The following AFAP1 variants were observed in gnomAD, a reference collection of about 807,000 sequenced individuals.
AFAP1 encodes actin filament associated protein 1.
In AFAP1, 75 loss-of-function variants were observed where a neutral mutation model predicts 93.9. That is an observed-to-expected ratio of 0.80 (90% CI 0.66 to 0.97). AFAP1 has a LOEUF of 0.97. Ranked by LOEUF, AFAP1 falls within the 50% of genes least tolerant of loss-of-function variation. AFAP1 has a pLI of 0.00. For missense variants in AFAP1, 1,201 were observed against 1,050.8 expected, an observed-to-expected ratio of 1.14 and a Z score of -1.98; for synonymous variants, 517 against 430.7, an observed-to-expected ratio of 1.20 and a Z score of -2.48.
chr4:7,902,965 G>C (rs374559121), intron 1 of AFAP1, among the ~76,000 whole-genome samples: 2 of 152,180 alleles, frequency 1.3e-5, no homozygotes, highest in African/African-American at 4.8e-5. Context: ...TTCCTGAAGA[G>C]GTTATCTTGT....
rs1234673369 is a variant in AFAP1, at chr4:7,763,521, T to C, written c.*244A>G. The C allele has an allele frequency of 1.3e-5, 7 of 548,444 alleles. No homozygotes were observed. Among genetic ancestry groups the C allele is most frequent in the African/African-American group, 1.1e-4 (6 of 52,686 alleles). 34.0% of individuals were successfully genotyped at this position (548,444 alleles called of 1,614,324 possible). Reference sequence around the variant, plus strand: ...TAGCATCCTTTCAAACACCTTTCCATCACTTTTTTTGTTTTTTAACAAAGT... The same window carrying C: ...TAGCATCCTTTCAAACACCTTTCCACCACTTTTTTTGTTTTTTAACAAAGT... On this transcript the variant is annotated 3_prime_UTR_variant, in exon 18 of 18. Coordinates refer to ENST00000420658, the MANE Select transcript of AFAP1 (RefSeq NM_001134647.2).
At chr4:7,801,533 T>C (rs894897434) in intron 9 of AFAP1, among the ~76,000 whole-genome samples, 2 of 152,132 alleles carry the variant, frequency 1.3e-5, no homozygotes, top group Non-Finnish European at 2.9e-5. Flanking sequence ...AAAAAATAGA[T>C]ACCAGGGTGG....
intron 10 of AFAP1, chr4:7,798,791 G>C (rs1718736973): frequency 1.4e-6 from 1 of 710,416 alleles, no homozygotes; most frequent in African/African-American, 2.0e-5. Context: ...TGGCAGGGCA[G>C]GTGACTTCTT....
chr4:7,873,242 C>CAAA (rs1195209480), intron 1 of AFAP1, among the ~76,000 whole-genome samples: 760 of 64,130 alleles, frequency 0.012, 11 homozygotes, highest in South Asian at 0.036. Flanking sequence ...GACTCTGTCT[C>CAAA]AAAAAAAAAA....
rs776026033 is a variant in AFAP1 at position 7,762,677 on chromosome 4, C to G, written c.*1088G>C. On this transcript the variant is annotated 3_prime_UTR_variant, in exon 18 of 18. Transcript: ENST00000420658. ...CCCACCCTACTCAGGAGAGGCAGCA[C>G]GGCCAGGCCCACCAACACATTAGTG... 6.6e-6 allele frequency: 1 copy of G among 152,262 alleles called. No homozygotes were observed. Among genetic ancestry groups the G allele is most frequent in the East Asian group, 1.9e-4 (1 of 5,188 alleles). The allele number at this position is 152,262 out of a possible 1,614,324, so 9.4% of individuals were successfully genotyped here.
In AFAP1 at chr4:7,809,740, ATTTGGAACT is replaced by A. The variant is rs780192291; in HGVS notation, c.919_927del (p.Ser308_Ser310del). Reference sequence around the variant, plus strand: ...TTCGACACAGTGCCCTTGGCCTCTGATTTGGAACTTTTCTTCCTCTTCACTGTCAAGAGT... The same window carrying A: ...TTCGACACAGTGCCCTTGGCCTCTGATTTCTTCCTCTTCACTGTCAAGAGT... On this transcript the variant is annotated inframe_deletion, in exon 9 of 18. Transcript: ENST00000420658. The A allele has an allele frequency of 8.1e-6, 13 of 1,612,952 alleles. No homozygotes were observed. In the East Asian group the frequency reaches 8.9e-5, roughly 11 times the overall value.
chr4:7,881,329 C>A (rs1717831238), intron 1 of AFAP1, among the ~76,000 whole-genome samples: 1 of 152,114 alleles, frequency 6.6e-6, no homozygotes. Flanking sequence ...TGCCAGGCAC[C>A]CCCACATGGC....
intron 1 of AFAP1, among the ~76,000 whole-genome samples, chr4:7,914,805 G>A (rs1364095316): frequency 3.9e-5 from 6 of 152,060 alleles, no homozygotes; most frequent in South Asian, 2.1e-4. Flanking sequence ...GTACAGTGGC[G>A]CGATCTCAGC....
intron 16 of AFAP1, chr4:7,772,063 G>A (rs781260099): frequency 2.6e-5 from 4 of 152,270 alleles, no homozygotes; most frequent in Non-Finnish European, 4.4e-5. Flanking sequence ...ATTTTACTGA[G>A]GGGTTTGGAA....
intron 1 of AFAP1, among the ~76,000 whole-genome samples, chr4:7,893,993 C>A (rs555668372): frequency 1.1e-4 from 16 of 152,306 alleles, no homozygotes; most frequent in Admixed American, 1.0e-3. Context: ...GTTCAAATCA[C>A]CAGCAAAGAC....
chr4:7,759,773 C>CTGTT lies in AFAP1; in HGVS notation c.*3988_*3991dup, dbSNP rs1470186804. 3.9e-5 allele frequency: 6 copies of CTGTT among 152,312 alleles called. No individual in the cohort carries two copies. Among genetic ancestry groups the CTGTT allele is most frequent in the African/African-American group, 1.4e-4 (6 of 41,480 alleles). The allele number at this position is 152,312 out of a possible 1,614,324, so 9.4% of individuals were successfully genotyped here. On this transcript the variant is annotated 3_prime_UTR_variant, in exon 18 of 18. Transcript: ENST00000420658. The stretch of plus-strand genomic sequence containing the variant: ...TCCAGTGCTGTGTTCCCAGAAGAGG[C>CTGTT]TGTTTCAAGGATGGACATCCACCTG...
intron 11 of AFAP1, among the ~76,000 whole-genome samples, chr4:7,791,570 A>G (rs1577212177): frequency 6.6e-6 from 1 of 152,158 alleles, no homozygotes; most frequent in African/African-American, 2.4e-5. Context: ...TAAAAGTAGC[A>G]TCGCGGGTCA....
intron 12 of AFAP1, among the ~76,000 whole-genome samples, chr4:7,785,726 CAGG>C (rs1188652133): frequency 6.6e-6 from 1 of 152,008 alleles, no homozygotes; most frequent in Non-Finnish European, 1.5e-5. Context: ...CACTTGAGCC[CAGG>C]AGTTCAAGAC....
intron 5 of AFAP1, among the ~76,000 whole-genome samples, chr4:7,840,651 A>G (rs1399894841): frequency 6.6e-6 from 1 of 152,184 alleles, no homozygotes; most frequent in African/African-American, 2.4e-5. Context: ...TTTGAAGTAC[A>G]CAGATAAGAA....
chr4:7,864,167 ACAGGT>A (rs1716141608), intron 3 of AFAP1, among the ~76,000 whole-genome samples: 19 of 125,792 alleles, frequency 1.5e-4, no homozygotes, highest in East Asian at 8.7e-4. Flanking sequence ...ATCACAACCC[ACAGGT>A]CCTTTGTAAT....
At chr4:7,834,709 A>G (rs1264844009) in intron 6 of AFAP1, among the ~76,000 whole-genome samples, 2 of 152,212 alleles carry the variant, frequency 1.3e-5, no homozygotes, top group African/African-American at 2.4e-5. Flanking sequence ...AGAACCTCCA[A>G]TGGCTCAGTG....
chr4:7,874,487 C>T (rs547826612), intron 1 of AFAP1, among the ~76,000 whole-genome samples: 1 of 147,044 alleles, frequency 6.8e-6, no homozygotes, highest in Non-Finnish European at 1.5e-5. Flanking sequence ...CCTCAGCCTC[C>T]TGAGCAGCTG....
Position 7,838,601 on chromosome 4 carries a change from G to A in AFAP1, c.649C>T (p.Leu217=), listed in dbSNP as rs928578646. ...PKDSKKKKHE[L]KITQQGTDPL... ...TCCGTGCCCTGCTGAGTAATCTTCA[G>A]CTCGTGCTTCTTCTTTTTGCTGTCT... Residue 217 remains leucine (L), a synonymous_variant, in exon 6 of 18, where the codon CTG becomes TTG. Coordinates refer to ENST00000420658, the MANE Select transcript of AFAP1 (RefSeq NM_001134647.2). The A allele has an allele frequency of 1.2e-6, 2 of 1,614,046 alleles. No homozygotes were observed. The highest frequency in any genetic ancestry group is 2.7e-5 in the African/African-American group (2 of 74,896).
chr4:7,924,247 T>C (rs552065923), intron 1 of AFAP1, among the ~76,000 whole-genome samples: 5 of 152,292 alleles, frequency 3.3e-5, no homozygotes, highest in African/African-American at 9.6e-5. Flanking sequence ...CTAGCAAACC[T>C]CCAAGGTCCC....
Sources: allele counts gnomAD v4.1 joint callset (sites outside exome capture counted in the v4.1 genomes callset), GRCh38; gene constraint gnomAD v4.1.1; transcripts MANE v1.5; gene names NCBI Gene and HGNC (gene_info 2026-07-23, HGNC 2026-07-21).